The following MYO5B variants were observed in gnomAD, a reference collection of about 807,000 sequenced individuals.
MYO5B encodes unconventional myosin-Vb.
Under a neutral mutation model 229.3 loss-of-function variants are expected in MYO5B, and 143 were observed. That is an observed-to-expected ratio of 0.62 (90% CI 0.54 to 0.72). The LOEUF (loss-of-function observed/expected upper bound fraction) is 0.72. MYO5B is among the 30% of genes least tolerant of loss of function. The probability of loss-of-function intolerance (pLI) is 0.00; values close to 1 mark genes in which losing one functional copy is unlikely to be tolerated. For missense variants in MYO5B, 2,321 were observed against 2,331.0 expected, an observed-to-expected ratio of 1.00 and a Z score of 0.09; for synonymous variants, 918 against 885.2, an observed-to-expected ratio of 1.04 and a Z score of -0.66.
intron 8 of MYO5B, among the ~76,000 whole-genome samples, chr18:49,982,823 A>G (rs995933617): frequency 1.3e-5 from 2 of 152,228 alleles, no homozygotes; most frequent in Admixed American, 6.5e-5. Context: ...CATGTTTATT[A>G]AAGAATAGAG....
chr18:49,854,842 A>C (rs2024242544), intron 30 of MYO5B, among the ~76,000 whole-genome samples: 3 of 152,114 alleles, frequency 2.0e-5, no homozygotes, highest in Admixed American at 6.5e-5. Flanking sequence ...AGAGAGAGGG[A>C]AAGTCTACAC....
chr18:49,991,538 G>C (rs549387648), intron 6 of MYO5B, among the ~76,000 whole-genome samples: 31 of 152,252 alleles, frequency 2.0e-4, no homozygotes, highest in African/African-American at 7.2e-4. Flanking sequence ...GAGGCAAAGA[G>C]TAGCTGGCAG....
intron 1 of MYO5B, among the ~76,000 whole-genome samples, chr18:50,165,356 G>A (rs1453288929): frequency 6.6e-6 from 1 of 152,132 alleles, no homozygotes; most frequent in African/African-American, 2.4e-5. Context: ...GGTGGCAGAT[G>A]CCTATGGTCC....
chr18:50,037,875 G>C (rs998638102), intron 3 of MYO5B, among the ~76,000 whole-genome samples: 24 of 152,136 alleles, frequency 1.6e-4, no homozygotes, highest in African/African-American at 5.8e-4. Context: ...CTGGGCGACA[G>C]AGTGAGGCCC....
intron 1 of MYO5B, among the ~76,000 whole-genome samples, chr18:50,066,588 C>T (rs186648348): frequency 5.3e-5 from 8 of 152,220 alleles, no homozygotes; most frequent in Admixed American, 6.5e-5. Context: ...ATTAGCAAAA[C>T]GGCACAATAA....
chr18:49,952,064 T>C (rs1234307226), intron 14 of MYO5B, among the ~76,000 whole-genome samples: 4 of 152,330 alleles, frequency 2.6e-5, no homozygotes, highest in Admixed American at 1.3e-4. Context: ...GAGATCACAC[T>C]GGGCAGGGGT....
At chr18:50,118,037 C>T (rs1431785240) in intron 1 of MYO5B, among the ~76,000 whole-genome samples, 2 of 152,206 alleles carry the variant, frequency 1.3e-5, no homozygotes, top group Admixed American at 6.5e-5. Flanking sequence ...TACATTACCA[C>T]CGGCCTGATG....
chr18:50,017,230 G>A (rs1429277740), intron 4 of MYO5B, among the ~76,000 whole-genome samples: 4 of 152,036 alleles, frequency 2.6e-5, no homozygotes, highest in South Asian at 2.1e-4. Context: ...TGATTCTCCC[G>A]CCTCAGCCTC....
chr18:49,951,193 G>A (rs947564006), intron 14 of MYO5B, among the ~76,000 whole-genome samples: 22 of 152,256 alleles, frequency 1.4e-4, no homozygotes, highest in Admixed American at 1.4e-3. Context: ...CCTGGTCTCC[G>A]GGAGACGTCA....
chr18:50,069,978 T>C (rs2030914159), intron 1 of MYO5B, among the ~76,000 whole-genome samples: 1 of 152,036 alleles, frequency 6.6e-6, no homozygotes, highest in Non-Finnish European at 1.5e-5. Flanking sequence ...GCTGCCTTAG[T>C]TCTGGACTTC....
chr18:49,875,682 C>A lies in MYO5B; in HGVS notation c.3537+5G>T. The A allele has an allele frequency of 1.9e-6, 3 of 1,614,090 alleles. No homozygotes were observed. The highest frequency in any genetic ancestry group is 2.5e-6 in the Non-Finnish European group (3 of 1,179,992). On this transcript the variant is annotated splice_donor_5th_base_variant and intron_variant, in intron 26 of 39. Coordinates refer to ENST00000285039, the MANE Select transcript of MYO5B (RefSeq NM_001080467.3). ...CCATAAGAGCACTGCAGCCCCTTCACGTACCTGGACTTTCTTGCTGTCCTG... is the reference window on the plus strand; with the variant it reads ...CCATAAGAGCACTGCAGCCCCTTCAAGTACCTGGACTTTCTTGCTGTCCTG...
intron 12 of MYO5B, among the ~76,000 whole-genome samples, chr18:49,961,752 A>G (rs541390153): frequency 8.4e-4 from 128 of 152,240 alleles, no homozygotes; most frequent in South Asian, 3.3e-3. Flanking sequence ...TACCCTCCCA[A>G]TGCTGCCAGG....
chr18:50,154,739 A>G (rs1202956694), intron 1 of MYO5B, among the ~76,000 whole-genome samples: 2 of 152,236 alleles, frequency 1.3e-5, no homozygotes, highest in African/African-American at 4.8e-5. Context: ...GGAATTAGTC[A>G]TAAGGAAGAC....
Position 49,863,356 on chromosome 18 carries a change from C to G in MYO5B, c.3844-29G>C, listed in dbSNP as rs536802339. 15 of 1,596,126 alleles carry G rather than the reference C, an allele frequency of 9.4e-6. No homozygotes were observed. In the South Asian group the frequency reaches 1.4e-4, roughly 15 times the overall value. On this transcript the variant is annotated intron_variant, in intron 28 of 39. Coordinates refer to ENST00000285039, the MANE Select transcript of MYO5B (RefSeq NM_001080467.3). ...GAAAGCCCCAGATAAAAAAATAACT[C>G]TGGTTAAACAATTGCCACAAAATGG...
At chr18:50,184,101 G>C (rs1392038854) in intron 1 of MYO5B, among the ~76,000 whole-genome samples, 1 of 152,122 alleles carries the variant, frequency 6.6e-6, no homozygotes, top group Non-Finnish European at 1.5e-5. Context: ...ACACAAAATG[G>C]ACTAAGACAG....
intron 1 of MYO5B, among the ~76,000 whole-genome samples, chr18:50,072,508 A>C (rs551743490): frequency 6.6e-6 from 1 of 152,302 alleles, no homozygotes; most frequent in African/African-American, 2.4e-5. Flanking sequence ...GTCCTGGGAT[A>C]AACTGCTGGC....
At chr18:50,084,302 T>C (rs1397634739) in intron 1 of MYO5B, among the ~76,000 whole-genome samples, 1 of 152,194 alleles carries the variant, frequency 6.6e-6, no homozygotes, top group Non-Finnish European at 1.5e-5. Context: ...TCTAAAACTC[T>C]GCTTTAACCA....
chr18:50,023,560 C>A (rs1469827839), intron 4 of MYO5B, among the ~76,000 whole-genome samples: 1 of 152,040 alleles, frequency 6.6e-6, no homozygotes, highest in Non-Finnish European at 1.5e-5. Flanking sequence ...ATTACGGAAG[C>A]CACATTTTGT....
At chr18:50,126,559 A>T (rs1451956354) in intron 1 of MYO5B, 3 of 154,878 alleles carry the variant, frequency 1.9e-5, no homozygotes, top group Admixed American at 1.3e-4. Flanking sequence ...CAAACCCCAC[A>T]TGTCACTCTG....
Sources: gnomAD v4.1 joint callset for allele counts (sites outside exome capture counted in the v4.1 genomes callset) on GRCh38, gnomAD v4.1.1 for gene constraint, MANE v1.5 for transcripts, NCBI Gene and HGNC (gene_info 2026-07-23, HGNC 2026-07-21) for gene names.